PALM2AKAP2: variants seen among roughly 807,000 people sequenced by gnomAD.
PALM2AKAP2 encodes PALM2-AKAP2 fusion protein.
Under a neutral mutation model 71.5 loss-of-function variants are expected in PALM2AKAP2, and 37 were observed. The observed-to-expected ratio is 0.52, with a 90% CI of 0.40 to 0.68. PALM2AKAP2 has a LOEUF of 0.68. Ranked by LOEUF, PALM2AKAP2 falls within the 30% of genes least tolerant of loss-of-function variation. The pLI, the probability that PALM2AKAP2 is intolerant of heterozygous loss-of-function variation, is 0.00. For synonymous variants in PALM2AKAP2, 468 were observed against 478.8 expected, an observed-to-expected ratio of 0.98 and a Z score of 0.29; for missense variants, 1,224 against 1,191.8, an observed-to-expected ratio of 1.03 and a Z score of -0.40.
At chr9:109,954,658 TAAA>T (rs56743395) in intron 6 of PALM2AKAP2, among the ~76,000 whole-genome samples, 21,799 of 108,696 alleles carry the variant, frequency 0.2, 1,256 homozygotes, top group East Asian at 0.31. Flanking sequence ...TAAAGTATAA[TAAA>T]AAAAAAAAAA....
chr9:109,965,766 C>T (rs1051731772), intron 6 of PALM2AKAP2, among the ~76,000 whole-genome samples: 1 of 152,040 alleles, frequency 6.6e-6, no homozygotes, highest in Admixed American at 6.6e-5. Context: ...ATGCCTCGTG[C>T]AGTACCTGGC....
At chr9:110,170,049 G>A (rs11681) in exon 4 of PALM2AKAP2, 139,930 of 152,644 alleles carry the variant, frequency 0.92, 64,314 homozygotes, top group East Asian at 1. Flanking sequence ...ACATTTAGGA[G>A]AGTCTCCTAT....
intron 1 of PALM2AKAP2, among the ~76,000 whole-genome samples, chr9:109,699,189 TA>T (rs2118574212): frequency 6.6e-6 from 1 of 152,324 alleles, no homozygotes; most frequent in South Asian, 2.1e-4. Flanking sequence ...AAACACAAGA[TA>T]CCATTTTCAC....
chr9:110,103,615 A>C (rs1231979280), intron 1 of PALM2AKAP2, among the ~76,000 whole-genome samples: 4 of 152,178 alleles, frequency 2.6e-5, no homozygotes, highest in Non-Finnish European at 5.9e-5. Flanking sequence ...TCTACTTAGG[A>C]ATTAAAACGT....
At chr9:109,781,050 C>G (rs1485348343) in intron 1 of PALM2AKAP2, among the ~76,000 whole-genome samples, 1 of 152,224 alleles carries the variant, frequency 6.6e-6, no homozygotes, top group African/African-American at 2.4e-5. Context: ...GACAAGGGCA[C>G]TGGCACAAGC....
upstream of PALM2AKAP2, among the ~76,000 whole-genome samples, chr9:109,776,838 C>T (rs1021318826): frequency 2.0e-5 from 3 of 152,214 alleles, no homozygotes; most frequent in African/African-American, 7.2e-5. Flanking sequence ...TAATCCGCAA[C>T]ACTGAATAAA....
At chr9:109,989,220 C>T (rs1209650431) in intron 6 of PALM2AKAP2, among the ~76,000 whole-genome samples, 2 of 152,196 alleles carry the variant, frequency 1.3e-5, no homozygotes, top group Non-Finnish European at 2.9e-5. Context: ...CTGCCAAATG[C>T]CCCTCTCCCA....
exon 4 of PALM2AKAP2, chr9:110,172,030 A>G (rs958318097): frequency 2.0e-5 from 3 of 152,662 alleles, no homozygotes; most frequent in African/African-American, 4.8e-5. Flanking sequence ...ATATAGATCA[A>G]TGTCCACATA....
intron 1 of PALM2AKAP2, among the ~76,000 whole-genome samples, chr9:109,811,155 C>G (rs115484813): frequency 3.3e-5 from 5 of 152,150 alleles, no homozygotes; most frequent in Non-Finnish European, 5.9e-5. Flanking sequence ...TAAGAGCAGA[C>G]AGTAGAAATC....
intron 6 of PALM2AKAP2, among the ~76,000 whole-genome samples, chr9:110,012,600 T>G (rs1379522793): frequency 1.3e-5 from 2 of 152,248 alleles, no homozygotes; most frequent in Non-Finnish European, 2.9e-5. Flanking sequence ...AAAATGTTAT[T>G]ACTAAAACAC....
intron 1 of PALM2AKAP2, among the ~76,000 whole-genome samples, chr9:109,807,072 G>T (rs10759366): frequency 0.61 from 92,259 of 151,826 alleles, 29,452 homozygotes; most frequent in African/African-American, 0.81. Flanking sequence ...GAGGAGATGG[G>T]GAATCCTGGA....
rs117635619 is a variant in PALM2AKAP2, at chr9:110,159,454, G to A, written c.2748+2957G>A. Among the ~76,000 whole-genome samples, 382 of 152,258 alleles carry A rather than the reference G, an allele frequency of 2.5e-3. 1 individual carries two copies. The highest frequency in any genetic ancestry group is 0.024 in the Middle Eastern group (7 of 294). ...CCACACCTGAGAATCAATGCCTGTC[G>A]CGTGATTAGAACACAACCATGTGTT... On this transcript the variant is annotated intron_variant, in intron 3 of 3. Transcript: ENST00000374525.
chr9:109,808,359 A>G (rs557556177), intron 1 of PALM2AKAP2, among the ~76,000 whole-genome samples: 3 of 152,336 alleles, frequency 2.0e-5, no homozygotes, highest in East Asian at 3.9e-4. Flanking sequence ...GACTCTTGTT[A>G]TGTTTTAGCA....
At chr9:110,033,364 A>G (rs989245572) in intron 7 of PALM2AKAP2, among the ~76,000 whole-genome samples, 2 of 152,228 alleles carry the variant, frequency 1.3e-5, no homozygotes, top group Non-Finnish European at 2.9e-5. Context: ...CTTCAATCCT[A>G]TAACAGTCAT....
intron 3 of PALM2AKAP2, among the ~76,000 whole-genome samples, chr9:109,916,046 C>T (rs1284523416): frequency 6.6e-6 from 1 of 151,962 alleles, no homozygotes; most frequent in African/African-American, 2.4e-5. Flanking sequence ...CAGGTTCAAG[C>T]GATTCTCCTG....
At chr9:109,694,818 C>G (rs1422560176) in intron 1 of PALM2AKAP2, among the ~76,000 whole-genome samples, 2 of 151,936 alleles carry the variant, frequency 1.3e-5, no homozygotes, top group East Asian at 3.9e-4. Flanking sequence ...CAGAATCAGA[C>G]TTAGACAATG....
rs56966509 is a variant in PALM2AKAP2, at chr9:109,691,174, T to TACACACACACACACACACACAC, written c.5+50318_5+50339dup. The stretch of plus-strand genomic sequence containing the variant: ...ACCAATGTTGCATTACTTTGAATTT[T>TACACACACACACACACACACAC]ACACACACACACACACACACACACA... On this transcript the variant is annotated intron_variant, in intron 1 of 6. Transcript: ENST00000374531. Among the ~76,000 whole-genome samples, 213 of 147,562 alleles carry TACACACACACACACACACACAC rather than the reference T, an allele frequency of 1.4e-3. 2 individuals are homozygous for TACACACACACACACACACACAC. Among genetic ancestry groups the TACACACACACACACACACACAC allele is most frequent in the Middle Eastern group, 3.4e-3 (1 of 292 alleles).
intron 2 of PALM2AKAP2, among the ~76,000 whole-genome samples, chr9:110,140,211 C>A (rs1835992226): frequency 6.6e-6 from 1 of 152,136 alleles, no homozygotes; most frequent in Non-Finnish European, 1.5e-5. Flanking sequence ...GGATTATAAT[C>A]CATTTCTTTT....
intron 1 of PALM2AKAP2, among the ~76,000 whole-genome samples, chr9:109,644,822 T>C (rs1471485071): frequency 6.6e-6 from 1 of 152,230 alleles, no homozygotes; most frequent in Non-Finnish European, 1.5e-5. Flanking sequence ...GAGTCACCTT[T>C]GCTCCAGTTC....
Sources: gnomAD v4.1 joint callset for allele counts (sites outside exome capture counted in the v4.1 genomes callset) on GRCh38, gnomAD v4.1.1 for gene constraint, MANE v1.5 for transcripts, NCBI Gene and HGNC (gene_info 2026-07-23, HGNC 2026-07-21) for gene names.